The following MYZAP variants were observed in gnomAD, a reference collection of about 807,000 sequenced individuals.
The protein encoded by MYZAP is myocardial zonula adherens protein.
Under a neutral mutation model 69.4 loss-of-function variants are expected in MYZAP, and 66 were observed. That is an observed-to-expected ratio of 0.95 (90% CI 0.78 to 1.17). The LOEUF (loss-of-function observed/expected upper bound fraction) is 1.17, where lower values mean the gene tolerates loss of function less well. MYZAP is among the 50% of genes most tolerant of loss of function. MYZAP has a pLI of 0.00. For synonymous variants in MYZAP, 256 were observed against 205.9 expected (o/e 1.24, Z -2.09); for missense variants, 611 against 556.2 (o/e 1.10, Z -0.99).
chr15:57,600,669 C>G (rs2034351600), intron 1 of MYZAP, among the ~76,000 whole-genome samples: 1 of 152,202 alleles, frequency 6.6e-6, no homozygotes, highest in Admixed American at 6.5e-5. Context: ...TCATCACTTA[C>G]AGTGTTAATG....
At chr15:57,599,412 A>G (rs2034272150) in intron 1 of MYZAP, 1 of 1,087,904 alleles carries the variant, frequency 9.2e-7, no homozygotes, top group Non-Finnish European at 1.1e-6. Flanking sequence ...TTCACAAGTA[A>G]TAGGTGCTCA....
At chr15:57,643,730 GTTTTT>G (rs1221479326) in intron 10 of MYZAP, among the ~76,000 whole-genome samples, 1 of 145,700 alleles carries the variant, frequency 6.9e-6, no homozygotes, top group African/African-American at 2.6e-5. Context: ...TTCTTAAGAG[GTTTTT>G]TTTTTGTTTT....
At chr15:57,641,042 C>G (rs2037122897) in intron 10 of MYZAP, among the ~76,000 whole-genome samples, 1 of 152,164 alleles carries the variant, frequency 6.6e-6, no homozygotes, top group Non-Finnish European at 1.5e-5. Flanking sequence ...TTCACACGCA[C>G]GAAGTCTGGG....
At chr15:57,626,479 G>T (rs1183926441) in intron 5 of MYZAP, among the ~76,000 whole-genome samples, 2 of 152,138 alleles carry the variant, frequency 1.3e-5, no homozygotes, top group Non-Finnish European at 2.9e-5. Flanking sequence ...TGGTTGATTT[G>T]GTTTACAGGA....
intron 1 of MYZAP, among the ~76,000 whole-genome samples, chr15:57,593,726 G>A (rs185473414): frequency 5.7e-4 from 87 of 152,286 alleles, no homozygotes; most frequent in African/African-American, 1.9e-3. Context: ...CTCAGGGCTC[G>A]GGATCAGGCC....
Position 57,639,834 on chromosome 15 carries a change from G to A in MYZAP, c.1119+289G>A, listed in dbSNP as rs528059175. Among the ~76,000 whole-genome samples the A allele has an allele frequency of 1.2e-3, 184 of 152,280 alleles. 2 individuals carry two copies. The highest frequency in any genetic ancestry group is 2.2e-3 in the Non-Finnish European group (148 of 68,010). Reference sequence around the variant, plus strand: ...GAAAGGACAGTGATAGCCTGAGTGGGTACCCACAGCTCAGGGGACCCAAGG... The same window carrying A: ...GAAAGGACAGTGATAGCCTGAGTGGATACCCACAGCTCAGGGGACCCAAGG... On this transcript the variant is annotated intron_variant, in intron 10 of 12. Coordinates refer to ENST00000267853, the MANE Select transcript of MYZAP (RefSeq NM_001018100.5).
At chr15:57,622,223 T>A (rs891901250) in intron 4 of MYZAP, among the ~76,000 whole-genome samples, 5 of 152,062 alleles carry the variant, frequency 3.3e-5, no homozygotes, top group Non-Finnish European at 7.4e-5. Context: ...GAGGTTTCAA[T>A]ATACAAAAAA....
chr15:57,634,089 G>A (rs1258057213), intron 8 of MYZAP, among the ~76,000 whole-genome samples: 2 of 152,136 alleles, frequency 1.3e-5, no homozygotes, highest in Non-Finnish European at 2.9e-5. Context: ...TGTTGTTTCT[G>A]GGGCATGTGT....
chr15:57,679,183 A>T (rs1190826949), intron 12 of MYZAP, among the ~76,000 whole-genome samples: 2 of 152,326 alleles, frequency 1.3e-5, no homozygotes, highest in East Asian at 3.9e-4. Context: ...TCTCAAAAAA[A>T]AATGCATTTA....
At chr15:57,662,314 G>C (rs1299844926) in intron 11 of MYZAP, among the ~76,000 whole-genome samples, 6 of 152,156 alleles carry the variant, frequency 3.9e-5, no homozygotes, top group South Asian at 4.1e-4. Context: ...TGTGTTCCTC[G>C]TTATAGTCCT....
At chr15:57,601,218 T>C (rs1422575707) in intron 1 of MYZAP, among the ~76,000 whole-genome samples, 1 of 152,126 alleles carries the variant, frequency 6.6e-6, no homozygotes, top group Non-Finnish European at 1.5e-5. Flanking sequence ...CTAGTAGATG[T>C]TGGAGCCTGT....
chr15:57,644,252 G>A (rs1431619023), intron 10 of MYZAP, among the ~76,000 whole-genome samples: 2 of 152,162 alleles, frequency 1.3e-5, no homozygotes, highest in East Asian at 1.9e-4. Context: ...CTATGCCTGA[G>A]GTGGGAAGCT....
rs192511920 is a variant in MYZAP at position 57,628,955 on chromosome 15, C to A, written c.526-747C>A. On this transcript the variant is annotated intron_variant, in intron 5 of 12. Transcript: ENST00000267853. ...AAAATTAGCCAGGCGTGGTGGCAGG[C>A]GCCTGTAGTCCCAGCTACTCGGGAG... is the stretch of plus-strand genomic sequence containing the variant. Among the ~76,000 whole-genome samples, 871 of 151,924 alleles carry A rather than the reference C, an allele frequency of 5.7e-3. 9 individuals are homozygous for A. Among genetic ancestry groups the A allele is most frequent in the African/African-American group, 0.02 (823 of 41,432 alleles).
intron 10 of MYZAP, chr15:57,647,625 G>A (rs958163480): frequency 9.1e-6 from 9 of 985,242 alleles, no homozygotes; most frequent in South Asian, 9.4e-5. Flanking sequence ...GCTATGAACC[G>A]TACCTGGAGG....
intron 1 of MYZAP, among the ~76,000 whole-genome samples, chr15:57,601,340 A>G (rs906149571): frequency 6.6e-6 from 1 of 150,964 alleles, no homozygotes; most frequent in Non-Finnish European, 1.5e-5. Flanking sequence ...TCCCTGCAGA[A>G]TTATGCATGG....
intron 10 of MYZAP, among the ~76,000 whole-genome samples, chr15:57,643,157 A>C (rs1433887475): frequency 6.6e-6 from 1 of 152,166 alleles, no homozygotes; most frequent in African/African-American, 2.4e-5. Flanking sequence ...TAGCCGGAAA[A>C]TATAGAAAAA....
rs766250324 is a variant in MYZAP, at chr15:57,625,768, G to C, written c.412-11G>C. The C allele has an allele frequency of 1.9e-6, 3 of 1,613,384 alleles. No individual in the cohort carries two copies. The highest frequency in any genetic ancestry group is 2.5e-6 in the Non-Finnish European group (3 of 1,179,572). ...ATTGATTTTGTGTGACTGTCTCCTC[G>C]ATCTGTCCAGGTTTCCCATGCTCAG... On this transcript the variant is annotated splice_polypyrimidine_tract_variant and intron_variant, in intron 4 of 12. Transcript: ENST00000267853.
chr15:57,635,621 A>G (rs1302392119), intron 8 of MYZAP, among the ~76,000 whole-genome samples: 1 of 152,176 alleles, frequency 6.6e-6, no homozygotes, highest in African/African-American at 2.4e-5. Flanking sequence ...CTTCCTTTCC[A>G]TTTAGGCTAG....
chr15:57,679,006 G>A (rs74896242), intron 12 of MYZAP, among the ~76,000 whole-genome samples: 2 of 151,964 alleles, frequency 1.3e-5, no homozygotes, highest in African/African-American at 2.4e-5. Flanking sequence ...GAGAAACCCC[G>A]TCTCTACTAA....
Sources: allele counts gnomAD v4.1 joint callset (sites outside exome capture counted in the v4.1 genomes callset), GRCh38; gene constraint gnomAD v4.1.1; transcripts MANE v1.5; gene names NCBI Gene and HGNC (gene_info 2026-07-23, HGNC 2026-07-21).